The following SEMA5A variants were observed in gnomAD, a reference collection of about 807,000 sequenced individuals.
SEMA5A encodes semaphorin-5A.
A neutral mutation model predicts 135.5 loss-of-function variants in SEMA5A; 55 were observed. The observed-to-expected ratio is 0.41, with a 90% CI of 0.33 to 0.51. The LOEUF (loss-of-function observed/expected upper bound fraction) is 0.51, where lower values mean the gene tolerates loss of function less well. Among genes scored for constraint, SEMA5A ranks in the 20% least tolerant of loss-of-function variants. The pLI, the probability that SEMA5A is intolerant of heterozygous loss-of-function variation, is 0.37. For synonymous variants in SEMA5A, 580 were observed against 546.5 expected, an observed-to-expected ratio of 1.06 and a Z score of -0.85; for missense variants, 1,290 against 1,419.9, an observed-to-expected ratio of 0.91 and a Z score of 1.47.
At chr5:9,119,176 C>G (rs1396018347) in intron 14 of SEMA5A, 35 bp from the exon 15 acceptor site, 1 of 1,604,290 alleles carries the variant, frequency 6.2e-7, no homozygotes, top group African/African-American at 1.3e-5. Context: ...CATTAGGTCC[C>G]GCAGGCTCAG....
intron 2 of SEMA5A, among the ~76,000 whole-genome samples, chr5:9,426,208 C>A (rs891053718): frequency 2.6e-5 from 4 of 151,870 alleles, no homozygotes; most frequent in Admixed American, 2.6e-4. Context: ...GAGGCCGAGG[C>A]GGGCAGATCA....
chr5:9,324,065 T>C (rs1405478266), intron 4 of SEMA5A, among the ~76,000 whole-genome samples: 1 of 145,260 alleles, frequency 6.9e-6, no homozygotes, highest in Non-Finnish European at 1.5e-5. Flanking sequence ...TTAAACAATA[T>C]TTTATTTTAT....
At chr5:9,064,234 A>G (rs1561116634) in intron 17 of SEMA5A, among the ~76,000 whole-genome samples, 1 of 152,234 alleles carries the variant, frequency 6.6e-6, no homozygotes, top group Non-Finnish European at 1.5e-5. Context: ...TTATGTGGTC[A>G]GAGGAAAATG....
At chr5:9,395,416 G>A (rs777523344) in intron 2 of SEMA5A, among the ~76,000 whole-genome samples, 2 of 152,184 alleles carry the variant, frequency 1.3e-5, no homozygotes, top group Non-Finnish European at 2.9e-5. Flanking sequence ...TGGCGTACAG[G>A]TGTAGCCTGT....
At chr5:9,253,321 T>C (rs1748898649) in intron 5 of SEMA5A, among the ~76,000 whole-genome samples, 2 of 152,306 alleles carry the variant, frequency 1.3e-5, no homozygotes, top group East Asian at 3.9e-4. Flanking sequence ...TATAAGCTTT[T>C]ACTCAAGGAC....
chr5:9,380,686 T>G (rs701497), intron 2 of SEMA5A, among the ~76,000 whole-genome samples: 63,268 of 151,998 alleles, frequency 0.42, 13,467 homozygotes, highest in Middle Eastern at 0.51. Context: ...GTACTATGCT[T>G]GGAAACTTTA....
chr5:9,061,620 A>G lies in SEMA5A; in HGVS notation c.2518+1267T>C, dbSNP rs1273211724. On this transcript the variant is annotated intron_variant, in intron 18 of 22. Coordinates refer to ENST00000382496, the MANE Select transcript of SEMA5A (RefSeq NM_003966.3). The stretch of plus-strand genomic sequence containing the variant: ...GCTGCGGCAGGAGAAAGGCAGAAAC[A>G]GGGGCTTGAATATTAAAGGGAAAGA... Among the ~76,000 whole-genome samples the G allele has an allele frequency of 2.6e-5, 4 of 152,294 alleles. No individual in the cohort carries two copies. The East Asian group carries it at 7.7e-4, about 29-fold the overall frequency.
chr5:9,066,928 C>T (rs542301305), intron 16 of SEMA5A, among the ~76,000 whole-genome samples: 1 of 152,272 alleles, frequency 6.6e-6, no homozygotes, highest in East Asian at 1.9e-4. Context: ...ACCCACCGAT[C>T]CCATAAAAAT....
chr5:9,532,584 G>A (rs1054973037), intron 1 of SEMA5A, among the ~76,000 whole-genome samples: 4 of 152,016 alleles, frequency 2.6e-5, no homozygotes, highest in Middle Eastern at 3.4e-3. Context: ...CACTGTGCCC[G>A]ACCTGCATGT....
chr5:9,257,087 CA>C (rs1749110094), intron 5 of SEMA5A, among the ~76,000 whole-genome samples: 1 of 152,132 alleles, frequency 6.6e-6, no homozygotes, highest in Non-Finnish European at 1.5e-5. Context: ...TCTGCATCAC[CA>C]ACTGGAGAGC....
intron 6 of SEMA5A, among the ~76,000 whole-genome samples, chr5:9,235,321 G>A (rs1747842975): frequency 6.6e-6 from 1 of 152,184 alleles, no homozygotes. Flanking sequence ...CAATGCAAAA[G>A]TGACAAATAA....
At chr5:9,353,287 G>GGGAAA (rs1754272284) in intron 3 of SEMA5A, among the ~76,000 whole-genome samples, 1 of 97,544 alleles carries the variant, frequency 1.0e-5, no homozygotes, top group East Asian at 3.6e-4. Context: ...AAGGAAAGGA[G>GGGAAA]GGAAAGGAAG....
At chr5:9,463,603 C>A (rs1029107444) in intron 1 of SEMA5A, among the ~76,000 whole-genome samples, 1 of 152,174 alleles carries the variant, frequency 6.6e-6, no homozygotes, top group Non-Finnish European at 1.5e-5. Flanking sequence ...TGGATACTCT[C>A]ATTTTGCTGC....
At position 9,209,526 on chromosome 5, in the gene SEMA5A, TA is replaced by T. The variant is rs1465243100; in HGVS notation, c.647-7287del. 2.6e-5 allele frequency among the ~76,000 whole-genome samples: 4 copies of T among 152,324 alleles called. No homozygotes were observed. The East Asian group carries it at 5.8e-4, about 22-fold the overall frequency. Reference sequence around the variant, plus strand: ...AAAATCTGGTAAATATTTTAACTCCTAAAAAATATGTTAAAAGACTGAAAGA... The same window carrying T: ...AAAATCTGGTAAATATTTTAACTCCTAAAAATATGTTAAAAGACTGAAAGA... On this transcript the variant is annotated intron_variant, in intron 8 of 22. Coordinates refer to ENST00000382496, the MANE Select transcript of SEMA5A (RefSeq NM_003966.3).
At chr5:9,249,482 C>G (rs1367114524) in intron 5 of SEMA5A, among the ~76,000 whole-genome samples, 2 of 152,152 alleles carry the variant, frequency 1.3e-5, no homozygotes, top group Non-Finnish European at 2.9e-5. Flanking sequence ...TTGAGAGTGA[C>G]TCATTTCCCT....
chr5:9,358,755 G>A (rs542301593), intron 3 of SEMA5A, among the ~76,000 whole-genome samples: 5 of 152,174 alleles, frequency 3.3e-5, no homozygotes, highest in African/African-American at 4.8e-5. Context: ...TGAAAGAAAC[G>A]AAGCTGGAAA....
intron 1 of SEMA5A, among the ~76,000 whole-genome samples, chr5:9,441,757 G>A (rs1321867837): frequency 6.6e-6 from 1 of 152,164 alleles, no homozygotes; most frequent in South Asian, 2.1e-4. Context: ...GCTAGCAGCA[G>A]CATGTGCCAC....
At chr5:9,230,879 TTTC>T (rs1747594397) in intron 6 of SEMA5A, among the ~76,000 whole-genome samples, 1 of 151,976 alleles carries the variant, frequency 6.6e-6, no homozygotes, top group Admixed American at 6.6e-5. Context: ...GGTATTCGAG[TTTC>T]TTCTTAACTG....
chr5:9,482,108 A>G (rs1453141227), intron 1 of SEMA5A, among the ~76,000 whole-genome samples: 1 of 152,198 alleles, frequency 6.6e-6, no homozygotes, highest in Non-Finnish European at 1.5e-5. Flanking sequence ...ATTTAATGTG[A>G]TCGCAGTTGT....
Sources: gnomAD v4.1 joint callset for allele counts (sites outside exome capture counted in the v4.1 genomes callset) on GRCh38, gnomAD v4.1.1 for gene constraint, MANE v1.5 for transcripts, NCBI Gene and HGNC (gene_info 2026-07-23, HGNC 2026-07-21) for gene names.